The following SPIDR variants were observed in gnomAD, a reference collection of about 807,000 sequenced individuals.
SPIDR encodes the protein scaffold protein involved in DNA repair.
SPIDR carries 93 observed loss-of-function variants against 104.6 expected under a neutral mutation model. That is an observed-to-expected ratio of 0.89 (90% CI 0.75 to 1.06). The LOEUF is 1.06. SPIDR is among the 50% of genes least tolerant of loss of function. SPIDR has a pLI of 0.00. For synonymous variants in SPIDR, 431 were observed against 416.9 expected (o/e 1.03, Z -0.41); for missense variants, 1,154 against 1,111.2 (o/e 1.04, Z -0.55).
At chr8:47,342,273 A>G (rs1190036869) in intron 5 of SPIDR, among the ~76,000 whole-genome samples, 2 of 150,172 alleles carry the variant, frequency 1.3e-5, no homozygotes, top group Non-Finnish European at 3.0e-5. Flanking sequence ...TGGGAACACA[A>G]GGCAGATTCT....
intron 7 of SPIDR, among the ~76,000 whole-genome samples, chr8:47,432,451 C>T (rs1032262766): frequency 6.6e-6 from 1 of 152,118 alleles, no homozygotes; most frequent in African/African-American, 2.4e-5. Context: ...AAACAGAGTC[C>T]CCCACATGCT....
chr8:47,728,125 A>AAG (rs575051090), intron 17 of SPIDR, among the ~76,000 whole-genome samples: 30 of 150,352 alleles, frequency 2.0e-4, no homozygotes, highest in Admixed American at 3.3e-4. Flanking sequence ...CAAAAAGAAA[A>AAG]AGAGAAAAAA....
intron 5 of SPIDR, among the ~76,000 whole-genome samples, chr8:47,335,098 A>G (rs1298522737): frequency 6.6e-6 from 1 of 152,240 alleles, no homozygotes; most frequent in Non-Finnish European, 1.5e-5. Flanking sequence ...ATATAAGAGC[A>G]TACATAATTG....
chr8:47,728,741 C>G (rs1334072306), intron 17 of SPIDR, 192 bp from the exon 18 acceptor site: 1 of 566,194 alleles, frequency 1.8e-6, no homozygotes, highest in Admixed American at 3.5e-5. Context: ...TCGTGCTACT[C>G]GAAGCTAATG....
At chr8:47,431,238 C>A (rs1407663216) in intron 7 of SPIDR, among the ~76,000 whole-genome samples, 1 of 152,190 alleles carries the variant, frequency 6.6e-6, no homozygotes, top group African/African-American at 2.4e-5. Context: ...GGAGACTAAG[C>A]CTGTCAGATC....
At chr8:47,398,421 G>C (rs2061481719) in intron 6 of SPIDR, among the ~76,000 whole-genome samples, 1 of 152,118 alleles carries the variant, frequency 6.6e-6, no homozygotes, top group Non-Finnish European at 1.5e-5. Context: ...AACTCAGAGA[G>C]AGAAATTTTA....
intron 8 of SPIDR, among the ~76,000 whole-genome samples, chr8:47,467,437 G>T (rs151131632): frequency 8.0e-4 from 122 of 152,204 alleles, no homozygotes; most frequent in African/African-American, 2.3e-3. Context: ...CAATATTTTT[G>T]ATAAACATCA....
At chr8:47,422,796 A>AT (rs1176817026) in intron 7 of SPIDR, among the ~76,000 whole-genome samples, 9 of 151,856 alleles carry the variant, frequency 5.9e-5, no homozygotes, top group African/African-American at 1.9e-4. Flanking sequence ...GGCTTAAGAA[A>AT]TTTTTTTTTA....
intron 8 of SPIDR, among the ~76,000 whole-genome samples, chr8:47,536,316 A>C (rs758621835): frequency 6.6e-6 from 1 of 152,196 alleles, no homozygotes; most frequent in African/African-American, 2.4e-5. Context: ...GTTGAAATGC[A>C]AAATACCTAC....
At chr8:47,677,349 A>G (rs1016781177) in intron 11 of SPIDR, among the ~76,000 whole-genome samples, 13 of 152,244 alleles carry the variant, frequency 8.5e-5, no homozygotes, top group African/African-American at 2.9e-4. Flanking sequence ...AAAGAAAAGA[A>G]ATTCCCTGAA....
At position 47,599,177 on chromosome 8, in the gene SPIDR, A is replaced by G. The variant is rs778952002; in HGVS notation, c.1525A>G (p.Thr509Ala). ...TCAGCAGGGGGCCAGCTCAGGACAC[A>G]CAGACCCAGCTGGAACTCGGTGAGT... ...RGQQGASSGHTDPAGTRACLL... is the reference protein window; with the variant it reads ...RGQQGASSGHADPAGTRACLL... Residue 509 changes from threonine (T) to alanine (A), a missense_variant, in exon 10 of 20, where the codon ACA becomes GCA. Transcript: ENST00000297423. The G allele has an allele frequency of 6.2e-7, 1 of 1,613,732 alleles. No individual in the cohort carries two copies. The highest frequency in any genetic ancestry group is 1.7e-5 in the Admixed American group (1 of 59,958).
intron 5 of SPIDR, among the ~76,000 whole-genome samples, chr8:47,373,258 G>T (rs2058257200): frequency 6.6e-6 from 1 of 152,058 alleles, no homozygotes; most frequent in African/African-American, 2.4e-5. Flanking sequence ...TTCCTAACTT[G>T]CCAATTTTTA....
At chr8:47,542,518 T>C (rs1201942475) in intron 8 of SPIDR, among the ~76,000 whole-genome samples, 1 of 152,152 alleles carries the variant, frequency 6.6e-6, no homozygotes, top group East Asian at 1.9e-4. Flanking sequence ...GCTAAGGATT[T>C]TTTTTAAAAA....
chr8:47,666,064 G>T (rs576116102), intron 10 of SPIDR, among the ~76,000 whole-genome samples: 2 of 152,254 alleles, frequency 1.3e-5, no homozygotes, highest in South Asian at 4.1e-4. Context: ...TACTGTGTTT[G>T]AAAGGTTGAT....
chr8:47,564,072 C>CTTTTGTTTTTTTTTTTTTTT (rs2057439962), intron 8 of SPIDR, among the ~76,000 whole-genome samples: 1 of 76,836 alleles, frequency 1.3e-5, no homozygotes. Flanking sequence ...TTTTTCTTTT[C>CTTTTGTTTTTTTTTTTTTTT]TTTTTTTTTT....
At chr8:47,488,802 C>A (rs2078154681) in intron 8 of SPIDR, among the ~76,000 whole-genome samples, 1 of 152,110 alleles carries the variant, frequency 6.6e-6, no homozygotes, top group South Asian at 2.1e-4. Flanking sequence ...AATTCAACAG[C>A]CCTTCATGCT....
intron 8 of SPIDR, among the ~76,000 whole-genome samples, chr8:47,587,895 A>G (rs571834304): frequency 6.6e-6 from 1 of 150,818 alleles, no homozygotes; most frequent in South Asian, 2.1e-4. Context: ...ATAACACCAT[A>G]TAATATTGGT....
chr8:47,537,188 A>G (rs1423151507), intron 8 of SPIDR, among the ~76,000 whole-genome samples: 1 of 152,388 alleles, frequency 6.6e-6, no homozygotes, highest in Non-Finnish European at 1.5e-5. Flanking sequence ...TTCTTACCAT[A>G]TGATCCAGCA....
intron 8 of SPIDR, among the ~76,000 whole-genome samples, chr8:47,495,621 G>A (rs1300115560): frequency 1.3e-5 from 2 of 151,990 alleles, no homozygotes; most frequent in Non-Finnish European, 2.9e-5. Flanking sequence ...CTGGTCCGAG[G>A]TTTCAAATAT....
Sources: gnomAD v4.1 joint callset for allele counts (sites outside exome capture counted in the v4.1 genomes callset) on GRCh38, gnomAD v4.1.1 for gene constraint, MANE v1.5 for transcripts, NCBI Gene and HGNC (gene_info 2026-07-23, HGNC 2026-07-21) for gene names.